The following SLC66A2 variants were observed in gnomAD, a reference collection of about 807,000 sequenced individuals.
SLC66A2 encodes solute carrier family 66 member 2, also known as PQ loop repeat containing 1.
SLC66A2 carries 23 observed loss-of-function variants against 25.5 expected under a neutral mutation model. That is an observed-to-expected ratio of 0.90 (90% confidence interval 0.65 to 1.28). The LOEUF (loss-of-function observed/expected upper bound fraction) is 1.28, where lower values mean the gene tolerates loss of function less well. Among genes scored for constraint, SLC66A2 ranks in the 50% most tolerant of loss-of-function variants. The pLI, the probability that SLC66A2 is intolerant of heterozygous loss-of-function variation, is 0.00. For synonymous variants in SLC66A2, 193 were observed against 166.5 expected (o/e 1.16, Z -1.23); for missense variants, 396 against 373.1 (o/e 1.06, Z -0.51).
chr18:79,936,171 G>A lies in SLC66A2; in HGVS notation c.338-2149C>T, dbSNP rs906788928. On this transcript the variant is annotated intron_variant, in intron 3 of 5. Transcript: ENST00000397778. Reference sequence around the variant, plus strand: ...TTGCACTGTACCCTGTCGGTACGGCGTGTATGGGGAGTGCAGGGGTGATAG... The same window carrying A: ...TTGCACTGTACCCTGTCGGTACGGCATGTATGGGGAGTGCAGGGGTGATAG... Among the ~76,000 whole-genome samples, 9 of 152,352 alleles carry A rather than the reference G, an allele frequency of 5.9e-5. No individual in the cohort carries two copies. In the East Asian group the frequency reaches 7.7e-4, roughly 13 times the overall value.
intron 5 of SLC66A2, among the ~76,000 whole-genome samples, chr18:79,914,223 G>T (rs1296741727): frequency 2.0e-5 from 3 of 152,214 alleles, no homozygotes; most frequent in Non-Finnish European, 4.4e-5. Context: ...GGTTTTTTGG[G>T]TATCTGTTAA....
chr18:79,944,325 GCA>G, intron 2 of SLC66A2: 1 of 152,684 alleles, frequency 6.5e-6, no homozygotes, highest in East Asian at 1.9e-4. Flanking sequence ...ATTTCCACAT[GCA>G]CACACACTCC....
intron 2 of SLC66A2, chr18:79,944,048 G>A (rs181159882): frequency 2.1e-4 from 34 of 158,202 alleles, no homozygotes; most frequent in East Asian, 1.5e-3. Flanking sequence ...GTAGGGCTCC[G>A]GGGAGGGGCC....
Position 79,903,589 on chromosome 18 carries a change from C to T in SLC66A2, c.*387G>A, listed in dbSNP as rs1047097556. On this transcript the variant is annotated 3_prime_UTR_variant, in exon 6 of 6. Coordinates refer to ENST00000397778, the MANE Select transcript of SLC66A2 (RefSeq NM_025078.5). Reference sequence around the variant, plus strand: ...CTCACAGGCCTTACAGGGTCTCCTGCGGTCACCCCAGCTTCAAGGTTCGCG... The same window carrying T: ...CTCACAGGCCTTACAGGGTCTCCTGTGGTCACCCCAGCTTCAAGGTTCGCG... 22 of 249,330 alleles carry T rather than the reference C, an allele frequency of 8.8e-5. No individual in the cohort carries two copies. Among genetic ancestry groups the T allele is most frequent in the Admixed American group, 2.4e-4 (4 of 17,016 alleles). 15.4% of individuals were successfully genotyped at this position (249,330 alleles called of 1,614,324 possible). A position where few individuals can be genotyped will look rare whatever the true frequency, so the allele number is the denominator to read the frequency against.
At chr18:79,914,403 G>A (rs1191081845) in intron 5 of SLC66A2, among the ~76,000 whole-genome samples, 1 of 152,216 alleles carries the variant, frequency 6.6e-6, no homozygotes, top group Non-Finnish European at 1.5e-5. Context: ...CCATCAGGCA[G>A]ATCGGAGCAC....
rs1030980968 is a variant in SLC66A2 at position 79,937,931 on chromosome 18, G to A, written c.338-3909C>T. 2.6e-5 allele frequency among the ~76,000 whole-genome samples: 4 copies of A among 152,002 alleles called. No individual in the cohort carries two copies. The highest frequency in any genetic ancestry group is 7.3e-5 in the African/African-American group (3 of 41,358). Reference sequence around the variant, plus strand: ...GCACTGATGCCGCAATACAGACCACGGGCAAAGTTGAGAGGAGCTAAGGGA... The same window carrying A: ...GCACTGATGCCGCAATACAGACCACAGGCAAAGTTGAGAGGAGCTAAGGGA... On this transcript the variant is annotated intron_variant, in intron 3 of 5. Coordinates refer to ENST00000397778, the MANE Select transcript of SLC66A2 (RefSeq NM_025078.5). This position sits in a 1 kb window ranked among gnomAD's most constrained non-coding sequence, Gnocchi z 5.4.
At position 79,904,057 on chromosome 18, in the gene SLC66A2, C is replaced by T. The variant is rs1264612265; in HGVS notation, c.735G>A (p.Leu245=). 1 of 1,611,414 alleles carries T rather than the reference C, an allele frequency of 6.2e-7. No individual in the cohort carries two copies. Among genetic ancestry groups the T allele is most frequent in the South Asian group, 1.1e-5 (1 of 91,036 alleles). The change falls in exon 6 of 6, where the codon CTG becomes CTA. Residue 245 remains leucine, a synonymous_variant. Transcript: ENST00000397778. The surrounding 1 kb of genome is among the most constrained non-coding windows in gnomAD (Gnocchi z 6.3). ...GGCGGGCGAAGGCGTAGGCCTGCCCCAGGATGGCCAGGTCCACCAGCACCT... is the reference window on the plus strand; with the variant it reads ...GGCGGGCGAAGGCGTAGGCCTGCCCTAGGATGGCCAGGTCCACCAGCACCT... ...LLQVLVDLAI[L]GQAYAFARHP... is the part of the protein sequence containing the mutation.
intron 5 of SLC66A2, among the ~76,000 whole-genome samples, chr18:79,915,152 G>A (rs569018455): frequency 6.6e-6 from 1 of 152,354 alleles, no homozygotes; most frequent in South Asian, 2.1e-4. Flanking sequence ...GGTCAGGCTG[G>A]CTGTGCGTTC....
chr18:79,929,980 G>A (rs754807641), intron 4 of SLC66A2, among the ~76,000 whole-genome samples: 9 of 152,040 alleles, frequency 5.9e-5, no homozygotes, highest in East Asian at 3.8e-4. Flanking sequence ...AAAGGGCACC[G>A]GCACATGCAG....
chr18:79,926,027 G>C (rs1261041720), intron 4 of SLC66A2, among the ~76,000 whole-genome samples: 4 of 152,198 alleles, frequency 2.6e-5, no homozygotes. Flanking sequence ...ACGGCCACAA[G>C]AGTGACCTCT....
In SLC66A2 at chr18:79,903,977, C is replaced by CA. The variant is rs754432969; in HGVS notation, c.814dup (p.Ter272LeufsTer86). 6.3e-7 allele frequency: 1 copy of CA among 1,599,004 alleles called. No homozygotes were observed. The highest frequency in any genetic ancestry group is 1.1e-5 in the South Asian group (1 of 89,708). ...CCCACATCCTCGTCCTCCCCACTGT[C>CA]AGAGGGCCTTGGTGCCAGTGGGGTG... On this transcript the variant is annotated frameshift_variant and stop_lost, in exon 6 of 6. Coordinates refer to ENST00000397778, the MANE Select transcript of SLC66A2 (RefSeq NM_025078.5). LOFTEE classifies it high-confidence loss of function.
intron 5 of SLC66A2, among the ~76,000 whole-genome samples, chr18:79,912,680 G>A (rs1002231324): frequency 3.3e-5 from 5 of 152,114 alleles, no homozygotes; most frequent in Admixed American, 6.5e-5. Context: ...CCTGGGGTGC[G>A]GAAAATGTTC....
chr18:79,913,809 C>T (rs1419299757), intron 5 of SLC66A2, among the ~76,000 whole-genome samples: 3 of 152,192 alleles, frequency 2.0e-5, no homozygotes, highest in Non-Finnish European at 4.4e-5. Flanking sequence ...GCAGCATCTA[C>T]GCCTCCCTCA....
intron 5 of SLC66A2, among the ~76,000 whole-genome samples, chr18:79,905,371 C>T (rs1365689427): frequency 1.3e-5 from 2 of 152,244 alleles, no homozygotes; most frequent in Non-Finnish European, 2.9e-5. Flanking sequence ...GACAAAAAGA[C>T]AGGGTGGTGC....
At position 79,950,890 on chromosome 18, in the gene SLC66A2, G is replaced by C; in HGVS notation, c.37C>G (p.Leu13Val). 1.3e-6 allele frequency: 2 copies of C among 1,598,376 alleles called. No individual in the cohort carries two copies. Among genetic ancestry groups the C allele is most frequent in the South Asian group, 1.1e-5 (1 of 89,466 alleles). The part of the protein sequence containing the change: ...AEGLDWLLVP[L>V]HQLVSWGAAA... ...GCGCCCCAGGACACCAGCTGGTGCAGTGGCACCAGGAGCCAGTCCAGGCCC... is the reference window on the plus strand; with the variant it reads ...GCGCCCCAGGACACCAGCTGGTGCACTGGCACCAGGAGCCAGTCCAGGCCC... The change falls in exon 2 of 6, where the codon CTG (leucine) becomes GTG (valine). Residue 13 changes from leucine (L) to valine (V), a missense_variant. Leu to Val is a conservative substitution (Grantham distance 32). Transcript: ENST00000397778.
intron 5 of SLC66A2, among the ~76,000 whole-genome samples, chr18:79,905,761 T>C (rs1389620808): frequency 6.6e-6 from 1 of 152,230 alleles, no homozygotes; most frequent in African/African-American, 2.4e-5. Flanking sequence ...CCACGCCTGC[T>C]TCAGGGACAG....
chr18:79,925,226 C>T (rs1401620131), intron 4 of SLC66A2, among the ~76,000 whole-genome samples: 1 of 152,164 alleles, frequency 6.6e-6, no homozygotes, highest in Non-Finnish European at 1.5e-5. Flanking sequence ...CTTTCCAAAG[C>T]AGCCAGGCCC....
intron 2 of SLC66A2, among the ~76,000 whole-genome samples, chr18:79,946,608 T>C (rs1310278540): frequency 6.6e-6 from 1 of 152,158 alleles, no homozygotes; most frequent in African/African-American, 2.4e-5. Context: ...AGAGACAGTA[T>C]AGAGGGTGCC....
At chr18:79,908,402 C>T (rs1159792407) in intron 5 of SLC66A2, among the ~76,000 whole-genome samples, 2 of 152,098 alleles carry the variant, frequency 1.3e-5, no homozygotes, top group South Asian at 2.1e-4. Context: ...TTCCTTCTGA[C>T]CTCCCTCGTT....
Sources: allele counts gnomAD v4.1 joint callset (sites outside exome capture counted in the v4.1 genomes callset), GRCh38; gene constraint gnomAD v4.1.1; non-coding constraint Gnocchi (gnomAD v3.1); transcripts MANE v1.5; gene names NCBI Gene and HGNC (gene_info 2026-07-23, HGNC 2026-07-21).